Variants in PRKCE observed in about 807,000 individuals in gnomAD.
The protein encoded by PRKCE is protein kinase C epsilon.
Under a neutral mutation model 85.4 loss-of-function variants are expected in PRKCE, and 16 were observed. The observed-to-expected ratio is 0.19, with a 90% CI of 0.13 to 0.28. The LOEUF (loss-of-function observed/expected upper bound fraction) is 0.28, where lower values mean the gene tolerates loss of function less well. Ranked by LOEUF, PRKCE falls within the 10% of genes least tolerant of loss-of-function variation. The pLI is 1.00. For synonymous variants in PRKCE, 388 were observed against 371.5 expected, an observed-to-expected ratio of 1.04 and a Z score of -0.51; for missense variants, 573 against 975.2, an observed-to-expected ratio of 0.59 and a Z score of 5.49.
rs537948209 is a variant in PRKCE at position 46,053,727 on chromosome 2, G to C, written c.1438-32481G>C. Among the ~76,000 whole-genome samples the C allele has an allele frequency of 1.6e-4, 25 of 152,200 alleles. No homozygotes were observed. The South Asian group carries it at 5.0e-3, about 30-fold the overall frequency. ...ATAATACTCCATTGTATATACATACGACATTTTGCTTCTCCATTTATCCTG... is the reference window on the plus strand; with the variant it reads ...ATAATACTCCATTGTATATACATACCACATTTTGCTTCTCCATTTATCCTG... On this transcript the variant is annotated intron_variant, in intron 10 of 14. Coordinates refer to ENST00000306156, the MANE Select transcript of PRKCE (RefSeq NM_005400.3).
chr2:46,017,603 T>C (rs570174232), intron 10 of PRKCE, among the ~76,000 whole-genome samples: 3 of 152,350 alleles, frequency 2.0e-5, no homozygotes, highest in South Asian at 2.1e-4. Flanking sequence ...TAATTCTCTT[T>C]TTAATTTTTT....
At chr2:45,756,627 A>C (rs560022403) in intron 1 of PRKCE, among the ~76,000 whole-genome samples, 1 of 152,244 alleles carries the variant, frequency 6.6e-6, no homozygotes, top group East Asian at 1.9e-4. Context: ...AAATTGTGGT[A>C]TATCTATACA....
At chr2:45,745,148 A>T (rs956664818) in intron 1 of PRKCE, among the ~76,000 whole-genome samples, 5 of 152,152 alleles carry the variant, frequency 3.3e-5, no homozygotes, top group African/African-American at 1.2e-4. Flanking sequence ...GATCAATTCC[A>T]TCTTACAATT....
chr2:46,028,057 T>C (rs1707251542), intron 10 of PRKCE, among the ~76,000 whole-genome samples: 1 of 152,104 alleles, frequency 6.6e-6, no homozygotes, highest in Non-Finnish European at 1.5e-5. Flanking sequence ...TTCTCCTGCC[T>C]CAGCCTCCCG....
At chr2:45,986,086 G>A (rs891367160) in intron 6 of PRKCE, among the ~76,000 whole-genome samples, 1 of 152,258 alleles carries the variant, frequency 6.6e-6, no homozygotes, top group Non-Finnish European at 1.5e-5. Flanking sequence ...TCACAGGTAG[G>A]AGGAAAAGTA....
At chr2:45,678,041 C>G (rs754372188) in intron 1 of PRKCE, 25 of 297,392 alleles carry the variant, frequency 8.4e-5, no homozygotes, top group African/African-American at 5.2e-4. Context: ...GGTTCTACAC[C>G]GAGCCAGGGG....
intron 10 of PRKCE, among the ~76,000 whole-genome samples, chr2:46,012,305 C>T (rs1315311859): frequency 6.8e-6 from 1 of 146,318 alleles, no homozygotes; most frequent in Non-Finnish European, 1.5e-5. Context: ...TTTTCTTTTC[C>T]TTTTTTTTTT....
At chr2:45,681,141 T>C (rs1163318487) in intron 1 of PRKCE, among the ~76,000 whole-genome samples, 1 of 151,182 alleles carries the variant, frequency 6.6e-6, no homozygotes, top group East Asian at 1.9e-4. Context: ...ATACAAAAAT[T>C]AGCTGGGTGT....
chr2:45,745,420 G>C (rs1316178684), intron 1 of PRKCE, among the ~76,000 whole-genome samples: 1 of 152,084 alleles, frequency 6.6e-6, no homozygotes, highest in Non-Finnish European at 1.5e-5. Flanking sequence ...TCTCATCCCT[G>C]TTCTCAACAA....
chr2:45,895,893 G>A lies in PRKCE; in HGVS notation c.412+52830G>A, dbSNP rs1432363347. 6.6e-6 allele frequency among the ~76,000 whole-genome samples: 1 copy of A among 152,174 alleles called. No homozygotes were observed. Among genetic ancestry groups the A allele is most frequent in the African/African-American group, 2.4e-5 (1 of 41,434 alleles). On this transcript the variant is annotated intron_variant, in intron 2 of 14. Coordinates refer to ENST00000306156, the MANE Select transcript of PRKCE (RefSeq NM_005400.3). The surrounding 1 kb of genome is among the most constrained non-coding windows in gnomAD (Gnocchi z 4.8). ...GGATGCAGGCAAGGGGCTCCCAGAG[G>A]AGTTGGTGTCTGGGCTGTGGCTGAA... is the stretch of plus-strand genomic sequence containing the variant.
intron 1 of PRKCE, among the ~76,000 whole-genome samples, chr2:45,747,169 G>T (rs1426333220): frequency 6.6e-6 from 1 of 152,118 alleles, no homozygotes; most frequent in African/African-American, 2.4e-5. Flanking sequence ...TGAAACAACT[G>T]GGTATTTTTT....
At chr2:46,150,678 C>A (rs1208661904) in intron 12 of PRKCE, among the ~76,000 whole-genome samples, 1 of 152,178 alleles carries the variant, frequency 6.6e-6, no homozygotes, top group East Asian at 1.9e-4. Context: ...TCACTTACAG[C>A]TTGTTCTCTC....
Position 45,727,904 on chromosome 2 carries a change from C to T in PRKCE, c.348+75456C>T, listed in dbSNP as rs1244907675. ...TCCTGACCTCGTGATCTGCCTGCCT[C>T]GGCCTCCCAAAGTGCTGAGATTACA... On this transcript the variant is annotated intron_variant, in intron 1 of 14. Coordinates refer to ENST00000306156, the MANE Select transcript of PRKCE (RefSeq NM_005400.3). Among the ~76,000 whole-genome samples the T allele has an allele frequency of 6.6e-5, 10 of 152,248 alleles. No individual in the cohort carries two copies. The South Asian group carries it at 1.0e-3, about 16-fold the overall frequency.
intron 14 of PRKCE, among the ~76,000 whole-genome samples, chr2:46,173,141 G>A (rs1679088318): frequency 6.6e-6 from 1 of 152,236 alleles, no homozygotes; most frequent in South Asian, 2.1e-4. Context: ...TGCAGCCCTA[G>A]AATAAGAATG....
At chr2:45,998,077 T>C (rs1350745069) in intron 6 of PRKCE, among the ~76,000 whole-genome samples, 1 of 152,224 alleles carries the variant, frequency 6.6e-6, no homozygotes, top group Non-Finnish European at 1.5e-5. Context: ...GAATGTGGTC[T>C]TTCTTGGTGA....
At chr2:45,988,797 C>G (rs1013511488) in intron 6 of PRKCE, among the ~76,000 whole-genome samples, 1 of 152,208 alleles carries the variant, frequency 6.6e-6, no homozygotes, top group African/African-American at 2.4e-5. Context: ...TCGCTAGTCT[C>G]GGGCATTTGT....
Position 45,716,123 on chromosome 2 carries a change from G to T in PRKCE, c.348+63675G>T, listed in dbSNP as rs568468142. ...GTTACTCACCTTCAATTGAATAGGG[G>T]CCCAGGCAGAACTGGAATCCCTGGG... On this transcript the variant is annotated intron_variant, in intron 1 of 14. Coordinates refer to ENST00000306156, the MANE Select transcript of PRKCE (RefSeq NM_005400.3). 3.3e-5 allele frequency among the ~76,000 whole-genome samples: 5 copies of T among 152,326 alleles called. No homozygotes were observed. The Middle Eastern group carries it at 0.01, about 311-fold the overall frequency.
chr2:46,010,243 GA>G (rs1558955001), intron 9 of PRKCE, 100 bp from the exon 10 acceptor site: 11 of 1,302,892 alleles, frequency 8.4e-6, no homozygotes, highest in Non-Finnish European at 1.0e-5. Context: ...TAAAATTAAA[GA>G]AAAAACAGAA....
intron 2 of PRKCE, among the ~76,000 whole-genome samples, chr2:45,864,960 G>A (rs1218273779): frequency 6.6e-6 from 1 of 152,162 alleles, no homozygotes; most frequent in Non-Finnish European, 1.5e-5. Flanking sequence ...GGCGTTCTGG[G>A]GTGAAGCCGA....
Sources: allele counts gnomAD v4.1 joint callset (sites outside exome capture counted in the v4.1 genomes callset), GRCh38; gene constraint gnomAD v4.1.1; non-coding constraint Gnocchi (gnomAD v3.1); transcripts MANE v1.5; gene names NCBI Gene and HGNC (gene_info 2026-07-23, HGNC 2026-07-21).